Variants in INTS7 observed in about 807,000 individuals in gnomAD.
The protein encoded by INTS7 is chromosome 1 open reading frame 73.
In INTS7, 46 loss-of-function variants were observed where a neutral mutation model predicts 109.2. That is an observed-to-expected ratio of 0.42 (90% confidence interval 0.33 to 0.54). The LOEUF is 0.54. INTS7 is among the 20% of genes least tolerant of loss of function. INTS7 has a pLI of 0.07. For synonymous variants in INTS7, 412 were observed against 402.9 expected, an observed-to-expected ratio of 1.02 and a Z score of -0.27; for missense variants, 929 against 1,132.4, an observed-to-expected ratio of 0.82 and a Z score of 2.58.
chr1:211,966,533 G>A (rs759799826), intron 15 of INTS7, 35 bp from the exon 16 acceptor site: 3 of 1,317,588 alleles, frequency 2.3e-6, no homozygotes, highest in African/African-American at 1.5e-5. Flanking sequence ...CGAAAATAGA[G>A]AAGAAACCCG....
At chr1:211,991,681 T>C (rs528424786) in intron 7 of INTS7, among the ~76,000 whole-genome samples, 61 of 152,330 alleles carry the variant, frequency 4.0e-4, no homozygotes, top group African/African-American at 1.4e-3. Flanking sequence ...CAGGCTACTA[T>C]GTTAGAGAGC....
chr1:212,031,006 A>C (rs1019133883), intron 1 of INTS7: 1 of 152,240 alleles, frequency 6.6e-6, no homozygotes, highest in African/African-American at 2.4e-5. Flanking sequence ...TTTCATAACT[A>C]AATTTTTCAT....
Position 211,991,442 on chromosome 1 carries a change from CA to C in INTS7, c.880-3440del, listed in dbSNP as rs552428299. On this transcript the variant is annotated intron_variant, in intron 7 of 19. Transcript: ENST00000366994. ...TAAAAAACACCTCTAGAAAAATATA[CA>C]AAAAAATAGATATTGGTTGCCACTG... 5.3e-5 allele frequency among the ~76,000 whole-genome samples: 8 copies of C among 152,086 alleles called. No homozygotes were observed. In the East Asian group the frequency reaches 1.5e-3, roughly 29 times the overall value.
At chr1:211,993,498 G>C (rs1273689403) in intron 7 of INTS7, among the ~76,000 whole-genome samples, 3 of 152,030 alleles carry the variant, frequency 2.0e-5, no homozygotes, top group Non-Finnish European at 4.4e-5. Context: ...TGGCCAACAT[G>C]ATGAAACTCT....
intron 1 of INTS7, among the ~76,000 whole-genome samples, chr1:212,023,192 T>C (rs536492281): frequency 6.6e-6 from 1 of 152,348 alleles, no homozygotes; most frequent in East Asian, 1.9e-4. Flanking sequence ...TTTGCTATTG[T>C]TAACAGTGCT....
In INTS7 at chr1:211,987,876, T is replaced by A; in HGVS notation, c.997+10A>T. ...CATTATTTATATGGTATCTCCTGTC[T>A]TTTCCTTACCTGGAACTATACTGAA... On this transcript the variant is annotated intron_variant, in intron 8 of 19. Transcript: ENST00000366994. 1.4e-6 allele frequency: 2 copies of A among 1,463,008 alleles called. No individual in the cohort carries two copies. Among genetic ancestry groups the A allele is most frequent in the Non-Finnish European group, 1.9e-6 (2 of 1,048,442 alleles). The allele number at this position is 1,463,008 out of a possible 1,614,324, so 90.6% of individuals were successfully genotyped here. A position where few individuals can be genotyped will look rare whatever the true frequency, so the allele number is the denominator to read the frequency against.
intron 13 of INTS7, 30 bp downstream of exon 13, chr1:211,975,136 C>T: frequency 6.8e-7 from 1 of 1,472,222 alleles, no homozygotes; most frequent in Non-Finnish European, 9.5e-7. Context: ...CATAAATCAT[C>T]ACCACCAAAG....
In INTS7 at chr1:212,035,303, C is replaced by T. The variant is rs756448072; in HGVS notation, c.94+41G>A. ...CCACCACCTGGTGGCGCCACTTCCCCCCACGCCTGTTTCACCCATTCAGCC... is the reference window on the plus strand; with the variant it reads ...CCACCACCTGGTGGCGCCACTTCCCTCCACGCCTGTTTCACCCATTCAGCC... On this transcript the variant is annotated intron_variant, in intron 1 of 19. Transcript: ENST00000366994. 5.0e-5 allele frequency: 68 copies of T among 1,359,400 alleles called. No individual in the cohort carries two copies. In the South Asian group the frequency reaches 7.5e-4, roughly 15 times the overall value. The allele number at this position is 1,359,400 out of a possible 1,614,324, so 84.2% of individuals were successfully genotyped here. A position where few individuals can be genotyped will look rare whatever the true frequency, so the allele number is the denominator to read the frequency against.
chr1:212,019,013 G>A (rs1404929974), intron 3 of INTS7, among the ~76,000 whole-genome samples: 2 of 152,228 alleles, frequency 1.3e-5, no homozygotes, highest in Non-Finnish European at 2.9e-5. Flanking sequence ...AATATGGGAG[G>A]CCGAAGCGGG....
chr1:211,947,340 T>C (rs1230334702), intron 17 of INTS7, among the ~76,000 whole-genome samples: 1 of 152,192 alleles, frequency 6.6e-6, no homozygotes, highest in African/African-American at 2.4e-5. Context: ...AGAGAATATT[T>C]TGAGCCTTAA....
intron 3 of INTS7, among the ~76,000 whole-genome samples, chr1:212,019,417 T>C (rs926288024): frequency 6.6e-6 from 1 of 152,084 alleles, no homozygotes; most frequent in Non-Finnish European, 1.5e-5. Context: ...AACTGATTCC[T>C]GATATGGAAA....
chr1:212,006,458 G>GT (rs1665913471), intron 7 of INTS7, among the ~76,000 whole-genome samples, 181 bp downstream of exon 7: 1 of 152,046 alleles, frequency 6.6e-6, no homozygotes, highest in African/African-American at 2.4e-5. Context: ...AAGTATAGAA[G>GT]TTTTATGTAT....
At chr1:212,029,692 CCAAA>C (rs1392830462) in intron 1 of INTS7, among the ~76,000 whole-genome samples, 3 of 152,170 alleles carry the variant, frequency 2.0e-5, no homozygotes, top group African/African-American at 4.8e-5. Flanking sequence ...TAAAGCATTA[CCAAA>C]CAAACACAAT....
Position 212,035,477 on chromosome 1 carries a change from G to A in INTS7, c.-40C>T. 7.0e-7 allele frequency: 1 copy of A among 1,437,008 alleles called. No individual in the cohort carries two copies. Among genetic ancestry groups the A allele is most frequent in the Non-Finnish European group, 9.8e-7 (1 of 1,018,632 alleles). The allele number at this position is 1,437,008 out of a possible 1,614,324, so 89.0% of individuals were successfully genotyped here. On this transcript the variant is annotated 5_prime_UTR_variant, in exon 1 of 20. Transcript: ENST00000366994. ...CTCGACTAGCCTAGTCAGAAAGCTT[G>A]CAAACTCTACCCCAGGACCGCCATC...
intron 13 of INTS7, among the ~76,000 whole-genome samples, chr1:211,969,551 C>CTTTTTTTTTTT (rs36104773): frequency 2.6e-3 from 221 of 84,962 alleles, no homozygotes; most frequent in East Asian, 3.3e-3. Flanking sequence ...TTTTTCTTTT[C>CTTTTTTTTTTT]TTTTTTTTTT....
At chr1:211,945,736 GATA>G (rs1662820463) in intron 18 of INTS7, among the ~76,000 whole-genome samples, 2 of 152,224 alleles carry the variant, frequency 1.3e-5, no homozygotes, top group Admixed American at 6.5e-5. Flanking sequence ...AACTAACAGG[GATA>G]ATCCAGGAGA....
chr1:212,007,317 A>G lies in INTS7; in HGVS notation c.689T>C (p.Met230Thr). 1 of 1,614,044 alleles carries G rather than the reference A, an allele frequency of 6.2e-7. No individual in the cohort carries two copies. Among genetic ancestry groups the G allele is most frequent in the Non-Finnish European group, 8.5e-7 (1 of 1,179,936 alleles). ...GAAAGTGTGCAAAGACACAATCACC[A>G]TTTTGGTGGACGGATAGGATGTGAC... ...QLVTSYPSTKMVIVSLHTFTL... is the reference protein window; with the variant it reads ...QLVTSYPSTKTVIVSLHTFTL... Residue 230 changes from methionine to threonine, a missense_variant, in exon 6 of 20, where the codon ATG becomes ACG. Met to Thr is a moderately conservative substitution (Grantham distance 81, BLOSUM62 -1). Transcript: ENST00000366994.
At chr1:212,010,615 G>A (rs1168615978) in intron 5 of INTS7, among the ~76,000 whole-genome samples, 1 of 152,078 alleles carries the variant, frequency 6.6e-6, no homozygotes, top group Non-Finnish European at 1.5e-5. Flanking sequence ...CGATTATAAT[G>A]GAGCTGAAAA....
rs528397492 is a variant in INTS7 at position 212,021,215 on chromosome 1, A to G, written c.95-3T>C. On this transcript the variant is annotated splice_region_variant and splice_polypyrimidine_tract_variant and intron_variant, in intron 1 of 19. Coordinates refer to ENST00000366994, the MANE Select transcript of INTS7 (RefSeq NM_015434.4). Reference sequence around the variant, plus strand: ...ACCAAGTTTGCCAGATCTTAGGCCTATGGAAAAAAAAAAGCACAGAGAGGG... The same window carrying G: ...ACCAAGTTTGCCAGATCTTAGGCCTGTGGAAAAAAAAAAGCACAGAGAGGG... 3.8e-6 allele frequency: 6 copies of G among 1,588,894 alleles called. No individual in the cohort carries two copies. The African/African-American group carries it at 8.2e-5, about 22-fold the overall frequency.
Sources: allele counts gnomAD v4.1 joint callset (sites outside exome capture counted in the v4.1 genomes callset), GRCh38; gene constraint gnomAD v4.1.1; transcripts MANE v1.5; gene names NCBI Gene and HGNC (gene_info 2026-07-23, HGNC 2026-07-21).